Variants in AP3D1 observed in about 807,000 individuals in gnomAD.
The protein encoded by AP3D1 is AP-3 complex subunit delta-1.
A neutral mutation model predicts 147.6 loss-of-function variants in AP3D1; 51 were observed. The ratio of observed to expected loss-of-function variants is 0.35; its 90% CI spans 0.28 to 0.44. AP3D1 has a LOEUF of 0.44. Ranked by LOEUF, AP3D1 falls within the 20% of genes least tolerant of loss-of-function variation. AP3D1 has a pLI of 1.00. For synonymous variants in AP3D1, 760 were observed against 663.0 expected (o/e 1.15, Z -2.25); for missense variants, 1,421 against 1,624.2 (o/e 0.87, Z 2.15).
At chr19:2,108,989 T>C (rs1229806506) in intron 30 of AP3D1, 97 bp downstream of exon 30, 1 of 1,557,322 alleles carries the variant, frequency 6.4e-7, no homozygotes, top group Non-Finnish European at 8.7e-7. Flanking sequence ...GGGTGTGAGT[T>C]TGGGTGGGAG....
rs552171849 is a variant in AP3D1, at chr19:2,122,702, C to T, written c.955+656G>A. Among the ~76,000 whole-genome samples the T allele has an allele frequency of 3.9e-5, 6 of 152,322 alleles. No individual in the cohort carries two copies. The East Asian group carries it at 1.2e-3, about 29-fold the overall frequency. On this transcript the variant is annotated intron_variant, in intron 11 of 31. Coordinates refer to ENST00000643116, the MANE Select transcript of AP3D1 (RefSeq NM_001261826.3). ...TGTGATCGCGGTCTCTCTTGCAATA[C>T]CCGACTGTGGGGTGCTTGCCTATTT...
chr19:2,152,619 T>C (rs2019569131), upstream of AP3D1, among the ~76,000 whole-genome samples: 1 of 151,402 alleles, frequency 6.6e-6, no homozygotes, highest in Admixed American at 6.6e-5. Flanking sequence ...GGCTCACACC[T>C]GTAATCCCAG....
At position 2,122,968 on chromosome 19, in the gene AP3D1, C is replaced by T. The variant is rs554074812; in HGVS notation, c.955+390G>A. ...ACCTGGGCAAGGGTGCTGTGTGCTG[C>T]TCTATCTCACAACGCAAAGCCTCAC... On this transcript the variant is annotated intron_variant, in intron 11 of 31. Coordinates refer to ENST00000643116, the MANE Select transcript of AP3D1 (RefSeq NM_001261826.3). Among the ~76,000 whole-genome samples, 2 of 152,374 alleles carry T rather than the reference C, an allele frequency of 1.3e-5. 1 individual carries two copies. Among genetic ancestry groups the T allele is most frequent in the South Asian group, 4.1e-4 (2 of 4,834 alleles).
Position 2,116,600 on chromosome 19 carries a change from C to A in AP3D1, c.2001+5G>T. On this transcript the variant is annotated splice_donor_5th_base_variant and intron_variant, in intron 17 of 31. Coordinates refer to ENST00000643116, the MANE Select transcript of AP3D1 (RefSeq NM_001261826.3). Reference sequence around the variant, plus strand: ...AGGGCTCGCCAGGGGCAGCCAGCAGCTCACCCGAGCCAGCTCTTCCTCGTC... The same window carrying A: ...AGGGCTCGCCAGGGGCAGCCAGCAGATCACCCGAGCCAGCTCTTCCTCGTC... 6.3e-7 allele frequency: 1 copy of A among 1,583,874 alleles called. No individual in the cohort carries two copies.
At chr19:2,123,964 C>T in intron 9 of AP3D1, 85 bp from the exon 10 acceptor site, 1 of 1,439,560 alleles carries the variant, frequency 6.9e-7, no homozygotes, top group East Asian at 2.5e-5. Context: ...ACCAGCACCC[C>T]CTCGCCGGGA....
In AP3D1 at chr19:2,103,039, G is replaced by A. The variant is rs151334608; in HGVS notation, c.3553-771C>T. 2.8e-4 allele frequency among the ~76,000 whole-genome samples: 43 copies of A among 152,066 alleles called. 1 individual carries two copies. Among genetic ancestry groups the A allele is most frequent in the African/African-American group, 9.7e-4 (40 of 41,448 alleles). The stretch of plus-strand genomic sequence containing the variant: ...TGCGGGAGGCTGAGGCGGGAGGGTC[G>A]CTTGAGCCCAGGAGGGTGAAGTTGC... On this transcript the variant is annotated intron_variant, in intron 31 of 31. Transcript: ENST00000643116.
Position 2,112,924 on chromosome 19 carries a change from C to T in AP3D1, c.2723G>A (p.Cys908Tyr). Residue 908 changes from cysteine (C) to tyrosine (Y), a missense_variant, in exon 24 of 32, where the codon TGT becomes TAT. By Grantham distance (194) the Cys-to-Tyr change is radical. Around this residue, in one of 6 missense-constraint regions of AP3D1, gnomAD observed 791 missense variants for 761.4 expected, o/e 1.04. Transcript: ENST00000643116. ...CTGCGCCTCCGTCTTGGCGTCCTCA[C>T]ACTCGTCCTTCGGGGTAGTGACAGT... ...VNTVTTPKDE[C>Y]EDAKTEAQGE... 1 of 1,613,352 alleles carries T rather than the reference C, an allele frequency of 6.2e-7. No individual in the cohort carries two copies. Among genetic ancestry groups the T allele is most frequent in the Non-Finnish European group, 8.5e-7 (1 of 1,179,748 alleles).
intron 22 of AP3D1, among the ~76,000 whole-genome samples, chr19:2,113,907 A>T (rs2018358905): frequency 6.6e-6 from 1 of 152,060 alleles, no homozygotes; most frequent in African/African-American, 2.4e-5. Flanking sequence ...CACCCATGGG[A>T]TCGTTGGGTC....
intron 1 of AP3D1, 147 bp downstream of exon 1, chr19:2,151,092 G>C (rs2019495930): frequency 1.4e-6 from 1 of 710,278 alleles, no homozygotes; most frequent in African/African-American, 1.9e-5. Flanking sequence ...CCCAGGCCCA[G>C]GCCAGGCAGG....
intron 23 of AP3D1, 42 bp downstream of exon 23, chr19:2,113,294 G>T: frequency 1.0e-6 from 1 of 985,692 alleles, no homozygotes; most frequent in Non-Finnish European, 1.4e-6. Context: ...TATGACCTCT[G>T]CAGACACCGA....
At chr19:2,111,888 G>A (rs2018292816) in intron 24 of AP3D1, 60 bp from the exon 25 acceptor site, 2 of 1,606,582 alleles carry the variant, frequency 1.2e-6, no homozygotes, top group African/African-American at 1.3e-5. Flanking sequence ...CCCCATCACA[G>A]TGTGAGGTCA....
intron 31 of AP3D1, among the ~76,000 whole-genome samples, chr19:2,105,286 A>T (rs759343633): frequency 3.3e-5 from 5 of 152,240 alleles, no homozygotes; most frequent in Non-Finnish European, 7.4e-5. Flanking sequence ...CCATAAACAA[A>T]ATCTCTGCAG....
chr19:2,109,035 G>A (rs2018189564), intron 30 of AP3D1, 51 bp downstream of exon 30: 2 of 1,599,760 alleles, frequency 1.3e-6, no homozygotes, highest in Admixed American at 1.8e-5. Context: ...AGGGACAGCT[G>A]CCGCGTGCGT....
At position 2,118,741 on chromosome 19, in the gene AP3D1, T is replaced by C. The variant is rs1367261051; in HGVS notation, c.1573A>G (p.Asn525Asp). The C allele has an allele frequency of 6.2e-7, 1 of 1,613,782 alleles. No homozygotes were observed. The highest frequency in any genetic ancestry group is 8.5e-7 in the Non-Finnish European group (1 of 1,180,020). ...PGHIQAVYVQ[N>D]VVKLYASILQ... ...ATGGAGGCGTAGAGCTTGACCACGT[T>C]CTGCACATACACGGCCTGGATGTGG... The change falls in exon 15 of 32, where the codon AAC (asparagine) becomes GAC (aspartate). Residue 525 changes from asparagine (N) to aspartate (D), a missense_variant. By Grantham distance (23) the Asn-to-Asp change is conservative. Transcript: ENST00000643116.
At position 2,133,077 on chromosome 19, in the gene AP3D1, C is replaced by T. The variant is rs151248095; in HGVS notation, c.355-499G>A. On this transcript the variant is annotated intron_variant, in intron 4 of 31. Coordinates refer to ENST00000643116, the MANE Select transcript of AP3D1 (RefSeq NM_001261826.3). ...GAGCGTTCCAGGCCTAAAACCAGGG[C>T]TTCCCTCACGTATCACTGGCAGCTC... Among the ~76,000 whole-genome samples, 42 of 152,326 alleles carry T rather than the reference C, an allele frequency of 2.8e-4. 1 individual carries two copies. The highest frequency in any genetic ancestry group is 9.9e-4 in the African/African-American group (41 of 41,578).
At chr19:2,111,200 T>C (rs1177968477) in intron 26 of AP3D1, 85 bp downstream of exon 26, 3 of 1,526,916 alleles carry the variant, frequency 2.0e-6, no homozygotes, top group East Asian at 2.3e-5. Context: ...ATCCGGGAGC[T>C]GTGGGGGCTG....
rs1002521149 is a variant in AP3D1 at position 2,121,654 on chromosome 19, C to T, written c.1101+80G>A. The T allele has an allele frequency of 4.7e-6, 7 of 1,499,384 alleles. No homozygotes were observed. In the South Asian group the frequency reaches 6.8e-5, roughly 14 times the overall value. The allele number at this position is 1,499,384 out of a possible 1,614,324, so 92.9% of individuals were successfully genotyped here. On this transcript the variant is annotated intron_variant, in intron 12 of 31. Coordinates refer to ENST00000643116, the MANE Select transcript of AP3D1 (RefSeq NM_001261826.3). ...GAGTGTGAGGGGACTCCATGCATTC[C>T]ACGTGGCTCTGCACCTGACACTTAA...
At chr19:2,152,267 C>G (rs1024231353), upstream of AP3D1, among the ~76,000 whole-genome samples, 1 of 152,150 alleles carries the variant, frequency 6.6e-6, no homozygotes, top group Admixed American at 6.6e-5. Flanking sequence ...CTTGGCCAGC[C>G]GTGGTGGCTC....
At position 2,102,215 on chromosome 19, in the gene AP3D1, G is replaced by A. The variant is rs2144975231; in HGVS notation, c.3606C>T (p.Ser1202=). ...DGKCSDSTLL[S]NLLEEMKATL... ...TCGCCTTCATCTCTTCTAACAAGTTGCTCAGTAGCGTGGAGTCACTGCACT... is the reference window on the plus strand; with the variant it reads ...TCGCCTTCATCTCTTCTAACAAGTTACTCAGTAGCGTGGAGTCACTGCACT... Residue 1202 remains serine (S), a synonymous_variant, in exon 32 of 32, where the codon AGC becomes AGT. Coordinates refer to ENST00000643116, the MANE Select transcript of AP3D1 (RefSeq NM_001261826.3). 6.2e-7 allele frequency: 1 copy of A among 1,614,102 alleles called. No individual in the cohort carries two copies. The highest frequency in any genetic ancestry group is 2.2e-5 in the East Asian group (1 of 44,882).
Sources: gnomAD v4.1 joint callset for allele counts (sites outside exome capture counted in the v4.1 genomes callset) on GRCh38, gnomAD v4.1.1 for gene constraint, gnomAD v4.1.1 regional missense constraint, MANE v1.5 for transcripts, NCBI Gene and HGNC (gene_info 2026-07-23, HGNC 2026-07-21) for gene names.